The following PIEZO2 variants were observed in gnomAD, a reference collection of about 807,000 sequenced individuals.
PIEZO2 encodes the protein piezo type mechanosensitive ion channel component 2.
PIEZO2 carries 172 observed loss-of-function variants against 337.3 expected under a neutral mutation model. That is an observed-to-expected ratio of 0.51 (90% CI 0.45 to 0.58). The LOEUF is 0.58. Among genes scored for constraint, PIEZO2 ranks in the 20% least tolerant of loss-of-function variants. PIEZO2 has a pLI of 0.00. For missense variants in PIEZO2, 3,028 were observed against 3,391.3 expected, an observed-to-expected ratio of 0.89 and a Z score of 2.66; for synonymous variants, 1,251 against 1,228.5, an observed-to-expected ratio of 1.02 and a Z score of -0.38.
rs1357087494 is a variant in PIEZO2 at position 11,001,862 on chromosome 18, A to G, written c.161-22202T>C. On this transcript the variant is annotated intron_variant, in intron 2 of 55. Transcript: ENST00000674853. The surrounding 1 kb of genome is among the most constrained non-coding windows in gnomAD (Gnocchi z 5.3). ...CACTGTACTCCAGCCTGGGTGATAG[A>G]GCGAGATTCAAAAAAGAAAAAGGAG... Among the ~76,000 whole-genome samples, 1 of 151,260 alleles carries G rather than the reference A, an allele frequency of 6.6e-6. No individual in the cohort carries two copies. The highest frequency in any genetic ancestry group is 1.5e-5 in the Non-Finnish European group (1 of 67,968).
Position 10,672,978 on chromosome 18 carries a change from G to A in PIEZO2, c.8162-105C>T, listed in dbSNP as rs55954613. ...AATCTGGTTACTAACTATAGCATAA[G>A]GTTCTAGGATGAAAAGGATGCATGG... On this transcript the variant is annotated intron_variant, in intron 54 of 55. Coordinates refer to ENST00000674853, the MANE Select transcript of PIEZO2 (RefSeq NM_001378183.1). This position sits in a 1 kb window ranked among gnomAD's most constrained non-coding sequence, Gnocchi z 4.7. The A allele has an allele frequency of 5.8e-3, 5,313 of 917,956 alleles. 211 individuals carry two copies. In the African/African-American group the frequency reaches 0.075, roughly 13 times the overall value. The allele number at this position is 917,956 out of a possible 1,614,324, so 56.9% of individuals were successfully genotyped here.
chr18:10,733,470 G>A (rs1177308069), intron 35 of PIEZO2, among the ~76,000 whole-genome samples: 2 of 74,296 alleles, frequency 2.7e-5, no homozygotes, highest in Admixed American at 1.2e-4. Flanking sequence ...TTTTTTTTGA[G>A]ATGGAGTCTT....
chr18:10,680,899 A>T (rs1212064474), intron 51 of PIEZO2, among the ~76,000 whole-genome samples: 1 of 152,222 alleles, frequency 6.6e-6, no homozygotes, highest in Admixed American at 6.5e-5. Flanking sequence ...AATGATGAGG[A>T]TTATGTTATA....
rs1039874751 is a variant in PIEZO2 at position 11,109,630 on chromosome 18, A to G, written c.64+38895T>C. ...CTACACCGGAGGCTGAGGCAAGAGA[A>G]TTGTTTGAGCCTGGGAGGTGGAGGT... On this transcript the variant is annotated intron_variant, in intron 1 of 55. Transcript: ENST00000674853. This position sits in a 1 kb window ranked among gnomAD's most constrained non-coding sequence, Gnocchi z 5.1. 2.0e-5 allele frequency among the ~76,000 whole-genome samples: 3 copies of G among 152,104 alleles called. No individual in the cohort carries two copies. The highest frequency in any genetic ancestry group is 2.9e-5 in the Non-Finnish European group (2 of 68,036).
chr18:11,063,563 T>A (rs2870109), intron 2 of PIEZO2, among the ~76,000 whole-genome samples: 98,883 of 151,946 alleles, frequency 0.65, 32,841 homozygotes, highest in East Asian at 0.97. Context: ...ACAAGAAAAA[T>A]ACCTCATCAG....
rs2034132604 is a variant in PIEZO2 at position 10,969,081 on chromosome 18, A to G, written c.286+10454T>C. Among the ~76,000 whole-genome samples the G allele has an allele frequency of 6.6e-6, 1 of 152,230 alleles. No homozygotes were observed. ...TACAAATAATATTTTCTAGAATGTC[A>G]TTACTATGCTTAGCCCAATTCTGCT... On this transcript the variant is annotated intron_variant, in intron 3 of 55. Coordinates refer to ENST00000674853, the MANE Select transcript of PIEZO2 (RefSeq NM_001378183.1). This position sits in a 1 kb window ranked among gnomAD's most constrained non-coding sequence, Gnocchi z 4.5.
At position 11,097,168 on chromosome 18, in the gene PIEZO2, C is replaced by T. The variant is rs1014262046; in HGVS notation, c.65-30946G>A. Among the ~76,000 whole-genome samples, 2 of 151,984 alleles carry T rather than the reference C, an allele frequency of 1.3e-5. No individual in the cohort carries two copies. The highest frequency in any genetic ancestry group is 4.8e-5 in the African/African-American group (2 of 41,338). ...AAACTACATCCCTCCGGCTAAATCC[C>T]GCCCCACAAACTAAGAATGCTTTTT... On this transcript the variant is annotated intron_variant, in intron 1 of 55. Coordinates refer to ENST00000674853, the MANE Select transcript of PIEZO2 (RefSeq NM_001378183.1). This position sits in a 1 kb window ranked among gnomAD's most constrained non-coding sequence, Gnocchi z 5.0.
At chr18:10,718,528 G>T (rs2036110037) in intron 36 of PIEZO2, among the ~76,000 whole-genome samples, 1 of 152,178 alleles carries the variant, frequency 6.6e-6, no homozygotes, top group African/African-American at 2.4e-5. Context: ...CAAATGGCCT[G>T]TGAGTTCAGA....
At chr18:10,800,057 T>A (rs558701803) in intron 11 of PIEZO2, among the ~76,000 whole-genome samples, 2 of 152,144 alleles carry the variant, frequency 1.3e-5, no homozygotes, top group Admixed American at 6.5e-5. Flanking sequence ...GACCAACATA[T>A]GTATAGATGC....
intron 2 of PIEZO2, among the ~76,000 whole-genome samples, chr18:10,991,974 T>C (rs1273296317): frequency 6.6e-6 from 1 of 152,254 alleles, no homozygotes; most frequent in Non-Finnish European, 1.5e-5. Context: ...ATTTCTCTAA[T>C]GTCCAGTGAT....
chr18:10,895,477 A>C lies in PIEZO2; in HGVS notation c.329+15709T>G, dbSNP rs1258601708. 1.3e-5 allele frequency among the ~76,000 whole-genome samples: 2 copies of C among 152,030 alleles called. No individual in the cohort carries two copies. Among genetic ancestry groups the C allele is most frequent in the Non-Finnish European group, 2.9e-5 (2 of 67,992 alleles). The stretch of plus-strand genomic sequence containing the variant: ...AATAATAATAATAGTAAGTCAAAAA[A>C]GAAAGTCAATGGCCTCATGAGGTTG... On this transcript the variant is annotated intron_variant, in intron 4 of 55. Transcript: ENST00000674853. The surrounding 1 kb of genome is among the most constrained non-coding windows in gnomAD (Gnocchi z 4.8).
chr18:10,876,111 A>C (rs1370705465), intron 4 of PIEZO2, among the ~76,000 whole-genome samples: 1 of 152,236 alleles, frequency 6.6e-6, no homozygotes, highest in Non-Finnish European at 1.5e-5. Flanking sequence ...TCATTTGGAG[A>C]CCATCTTATC....
At position 11,080,386 on chromosome 18, in the gene PIEZO2, T is replaced by C. The variant is rs889151690; in HGVS notation, c.65-14164A>G. Among the ~76,000 whole-genome samples the C allele has an allele frequency of 6.6e-6, 1 of 152,230 alleles. No homozygotes were observed. The highest frequency in any genetic ancestry group is 1.5e-5 in the Non-Finnish European group (1 of 68,040). ...CATATGGCCTTGTAGAATTTCACCA[T>C]CTATACATGCTACTTCCTTGATTAG... On this transcript the variant is annotated intron_variant, in intron 1 of 55. Coordinates refer to ENST00000674853, the MANE Select transcript of PIEZO2 (RefSeq NM_001378183.1). This position sits in a 1 kb window ranked among gnomAD's most constrained non-coding sequence, Gnocchi z 5.4.
chr18:10,891,649 G>C (rs2042759869), intron 4 of PIEZO2, among the ~76,000 whole-genome samples: 1 of 152,166 alleles, frequency 6.6e-6, no homozygotes, highest in South Asian at 2.1e-4. Flanking sequence ...ACAAAACTAG[G>C]CTAAAATGTT....
intron 21 of PIEZO2, among the ~76,000 whole-genome samples, chr18:10,768,305 AG>A (rs1245970994): frequency 1.3e-5 from 2 of 152,206 alleles, no homozygotes; most frequent in East Asian, 3.9e-4. Flanking sequence ...AGGGACACGG[AG>A]GAAAGTTTCC....
At chr18:10,769,019 T>A (rs1598455340) in intron 21 of PIEZO2, among the ~76,000 whole-genome samples, 1 of 152,216 alleles carries the variant, frequency 6.6e-6, no homozygotes. Context: ...AGAAGTCACC[T>A]GTACCTCAGA....
rs1409063992 is a variant in PIEZO2, at chr18:10,821,791, C to T, written c.918-14517G>A. ...AACATACATCCTCTTTCAACTTCTT[C>T]CACACTTTTGTCTTTCTTGAATTCT... On this transcript the variant is annotated intron_variant, in intron 7 of 55. Coordinates refer to ENST00000674853, the MANE Select transcript of PIEZO2 (RefSeq NM_001378183.1). This position sits in a 1 kb window ranked among gnomAD's most constrained non-coding sequence, Gnocchi z 4.2. Among the ~76,000 whole-genome samples, 1 of 152,202 alleles carries T rather than the reference C, an allele frequency of 6.6e-6. No homozygotes were observed. The highest frequency in any genetic ancestry group is 1.5e-5 in the Non-Finnish European group (1 of 68,042).
At chr18:11,064,751 A>C (rs2038095878) in intron 2 of PIEZO2, among the ~76,000 whole-genome samples, 1 of 152,234 alleles carries the variant, frequency 6.6e-6, no homozygotes, top group Non-Finnish European at 1.5e-5. Flanking sequence ...GGCCACACTG[A>C]TATAAAAGTG....
At chr18:10,938,824 T>C (rs2032547779) in intron 3 of PIEZO2, among the ~76,000 whole-genome samples, 1 of 152,204 alleles carries the variant, frequency 6.6e-6, no homozygotes, top group Non-Finnish European at 1.5e-5. Flanking sequence ...CAGTGGCTCA[T>C]GCCTGTAATC....
Sources: allele counts gnomAD v4.1 joint callset (sites outside exome capture counted in the v4.1 genomes callset), GRCh38; gene constraint gnomAD v4.1.1; non-coding constraint Gnocchi (gnomAD v3.1); transcripts MANE v1.5; gene names NCBI Gene and HGNC (gene_info 2026-07-23, HGNC 2026-07-21).